TPI1: variants seen among roughly 807,000 people sequenced by gnomAD.
TPI1 encodes triosephosphate isomerase 1, also known as triosephosphate isomerase.
A neutral mutation model predicts 31.0 loss-of-function variants in TPI1; 11 were observed. That is an observed-to-expected ratio of 0.36 (90% CI 0.22 to 0.59). The LOEUF (loss-of-function observed/expected upper bound fraction) is 0.59. TPI1 is among the 20% of genes least tolerant of loss of function. TPI1 has a pLI of 0.79. For missense variants in TPI1, 245 were observed against 319.7 expected (o/e 0.77, Z 1.78); for synonymous variants, 121 against 122.8 (o/e 0.99, Z 0.10).
intron 1 of TPI1, chr12:6,868,366 C>T: frequency 7.8e-7 from 1 of 1,288,044 alleles, no homozygotes; most frequent in Non-Finnish European, 1.0e-6. Context: ...CTCCATCCTC[C>T]TTCCTCCCTC....
chr12:6,870,156 G>A lies in TPI1; in HGVS notation c.631+20G>A, dbSNP rs1944555685. On this transcript the variant is annotated intron_variant, in intron 6 of 6. Coordinates refer to ENST00000396705, the MANE Select transcript of TPI1 (RefSeq NM_000365.6). ...ATGGAGGTGAGTGGCTTTGGTTCCC[G>A]GCTGAGGTGGAGTGGGCTGAGGACT... 4 of 1,612,038 alleles carry A rather than the reference G, an allele frequency of 2.5e-6. No individual in the cohort carries two copies. Among genetic ancestry groups the A allele is most frequent in the South Asian group, 2.2e-5 (2 of 91,036 alleles).
chr12:6,869,508 G>T (rs935433490), intron 4 of TPI1, 118 bp downstream of exon 4: 1 of 1,545,638 alleles, frequency 6.5e-7, no homozygotes, highest in African/African-American at 1.4e-5. Flanking sequence ...AAAAAGGGGA[G>T]GGGGAGTGAC....
intron 1 of TPI1, 120 bp from the exon 2 acceptor site, chr12:6,868,744 G>A (rs1944514172): frequency 1.4e-6 from 2 of 1,477,132 alleles, no homozygotes. Context: ...GTGAAAAGGG[G>A]GAGAGCAGAA....
intron 1 of TPI1, chr12:6,868,376 C>T (rs1458275854): frequency 1.6e-6 from 2 of 1,288,038 alleles, no homozygotes; most frequent in Admixed American, 2.3e-5. Flanking sequence ...CTTCCTCCCT[C>T]CACCGAAATC....
At position 6,869,315 on chromosome 12, in the gene TPI1, A is replaced by C; in HGVS notation, c.382A>C (p.Ile128Leu). 6.2e-7 allele frequency: 1 copy of C among 1,614,108 alleles called. No homozygotes were observed. The highest frequency in any genetic ancestry group is 8.5e-7 in the Non-Finnish European group (1 of 1,179,968). Residue 128 changes from isoleucine to leucine, a missense_variant, in exon 4 of 7, where the codon ATT (isoleucine) becomes CTT (leucine). Physicochemically the swap from Ile to Leu is conservative, Grantham distance 5 (BLOSUM62 2). This residue lies in a region of TPI1 where 127 missense variants were observed against 163.7 expected (regional missense o/e 0.78). Transcript: ENST00000396705. ...AGAGGGACTCGGAGTAATCGCCTGC[A>C]TTGGGGAGAAGCTAGATGAAAGGGA... ...LAEGLGVIAC[I>L]GEKLDEREAG...
intron 1 of TPI1, 73 bp from the exon 2 acceptor site, chr12:6,868,791 G>C: frequency 6.4e-7 from 1 of 1,557,872 alleles, no homozygotes; most frequent in Non-Finnish European, 8.7e-7. Flanking sequence ...GGGCTCCAGG[G>C]CACTGGTTAG....
Position 6,870,192 on chromosome 12 carries a change from C to G in TPI1, c.631+56C>G, listed in dbSNP as rs369053812. On this transcript the variant is annotated intron_variant, in intron 6 of 6. Transcript: ENST00000396705. ...AGTGGGCTGAGGACTAGACTGAGCC[C>G]TCGGACATGGAGGTGGGGATGGGGC... 30 of 1,602,866 alleles carry G rather than the reference C, an allele frequency of 1.9e-5. No individual in the cohort carries two copies. The African/African-American group carries it at 3.9e-4, about 21-fold the overall frequency.
At chr12:6,868,581 G>T in intron 1 of TPI1, 1 of 1,328,272 alleles carries the variant, frequency 7.5e-7, no homozygotes, top group East Asian at 3.5e-5. Context: ...AGGTGCCTAT[G>T]CCGAGAATAG....
In TPI1 at chr12:6,868,961, T is replaced by G; in HGVS notation, c.213T>G (p.Thr71=). The change falls in exon 2 of 7, where the codon ACT becomes ACG. Residue 71 remains threonine (T), a synonymous_variant. Transcript: ENST00000396705. ...AVAAQNCYKV[T]NGAFTGEISP... ...CTGCGCAGAACTGCTACAAAGTGAC[T>G]AATGGGGCTTTTACTGGGGAGATCA... is the stretch of plus-strand genomic sequence containing the variant. 2 of 1,614,192 alleles carry G rather than the reference T, an allele frequency of 1.2e-6. No individual in the cohort carries two copies. The highest frequency in any genetic ancestry group is 1.7e-6 in the Non-Finnish European group (2 of 1,180,026).
intron 1 of TPI1, 42 bp downstream of exon 1, chr12:6,867,723 G>T: frequency 6.4e-7 from 1 of 1,556,466 alleles, no homozygotes; most frequent in Non-Finnish European, 8.7e-7. Context: ...GCCGGGGCCG[G>T]GGCCGGGGCA....
At chr12:6,868,095 C>T (rs1555131746) in intron 1 of TPI1, 40 of 1,262,940 alleles carry the variant, frequency 3.2e-5, no homozygotes, top group Non-Finnish European at 4.0e-5. Context: ...CCGCACGTAG[C>T]CCCAGACTCC....
In TPI1 at chr12:6,870,595, A is replaced by T. The variant is rs782574769; in HGVS notation, c.*212A>T. 6.8e-6 allele frequency: 5 copies of T among 730,654 alleles called. No individual in the cohort carries two copies. In the African/African-American group the frequency reaches 8.6e-5, roughly 13 times the overall value. The allele number at this position is 730,654 out of a possible 1,614,324, so 45.3% of individuals were successfully genotyped here. On this transcript the variant is annotated 3_prime_UTR_variant, in exon 7 of 7. Coordinates refer to ENST00000396705, the MANE Select transcript of TPI1 (RefSeq NM_000365.6). Reference sequence around the variant, plus strand: ...CTTCTCCACTTACTATAATGGTTGGAACTAAACGTCACCAAGGTGGCTTCT... The same window carrying T: ...CTTCTCCACTTACTATAATGGTTGGTACTAAACGTCACCAAGGTGGCTTCT...
chr12:6,870,198 C>T (rs1944556698), intron 6 of TPI1, 62 bp downstream of exon 6: 13 of 1,599,588 alleles, frequency 8.1e-6, no homozygotes, highest in Non-Finnish European at 9.4e-6. Flanking sequence ...AGCCCTCGGA[C>T]ATGGAGGTGG....
intron 1 of TPI1, 113 bp downstream of exon 1, chr12:6,867,794 G>C: frequency 1.7e-6 from 2 of 1,178,670 alleles, no homozygotes; most frequent in Non-Finnish European, 2.3e-6. Context: ...GCGCGGACCT[G>C]ATGCAGGGCT....
At chr12:6,869,024 C>G in intron 2 of TPI1, 37 bp downstream of exon 2, 1 of 1,614,116 alleles carries the variant, frequency 6.2e-7, no homozygotes, top group Non-Finnish European at 8.5e-7. Flanking sequence ...TGGGACCCTT[C>G]CCTCACTTTC....
Position 6,869,368 on chromosome 12 carries a change from C to G in TPI1, c.435C>G (p.Phe145Leu). Residue 145 changes from phenylalanine (F) to leucine (L), a missense_variant, in exon 4 of 7, where the codon TTC becomes TTG. Phe to Leu is a conservative substitution (Grantham distance 22). Around this residue, in one of 3 missense-constraint regions of TPI1, gnomAD observed 127 missense variants for 163.7 expected, o/e 0.78. Coordinates refer to ENST00000396705, the MANE Select transcript of TPI1 (RefSeq NM_000365.6). ...CTGGCATCACTGAGAAGGTTGTTTTCGAGCAGACAAAGGTCATCGCAGGTA... is the reference window on the plus strand; with the variant it reads ...CTGGCATCACTGAGAAGGTTGTTTTGGAGCAGACAAAGGTCATCGCAGGTA... ...REAGITEKVV[F>L]EQTKVIADNV... 1 of 1,614,012 alleles carries G rather than the reference C, an allele frequency of 6.2e-7. No homozygotes were observed. Among genetic ancestry groups the G allele is most frequent in the Middle Eastern group, 1.6e-4 (1 of 6,062 alleles).
Position 6,870,697 on chromosome 12 carries a change from C to T in TPI1, c.*314C>T, listed in dbSNP as rs1555132905. The T allele has an allele frequency of 6.8e-6, 4 of 584,872 alleles. No homozygotes were observed. Among genetic ancestry groups the T allele is most frequent in the South Asian group, 5.6e-5 (4 of 71,470 alleles). The allele number at this position is 584,872 out of a possible 1,614,324, so 36.2% of individuals were successfully genotyped here. On this transcript the variant is annotated 3_prime_UTR_variant, in exon 7 of 7. Transcript: ENST00000396705. ...GCCCTAGTGAGGGCAGAAGAGAAAC[C>T]ATCCTCTCCCTTCTTACACCGTGAG... is the stretch of plus-strand genomic sequence containing the variant.
chr12:6,869,703 G>A lies in TPI1; in HGVS notation c.473G>A (p.Trp158Ter), dbSNP rs782689272. Reference sequence around the variant, plus strand: ...TGCCCTGCAGATAACGTGAAGGACTGGAGCAAGGTCGTCCTGGCCTATGAG... The same window carrying A: ...TGCCCTGCAGATAACGTGAAGGACTAGAGCAAGGTCGTCCTGGCCTATGAG... ...TKVIADNVKD[W>*]SKVVLAYEPV... Residue 158 changes from tryptophan (W) to a stop codon, truncating the protein, a stop_gained, in exon 5 of 7, where the codon TGG becomes TAG. Coordinates refer to ENST00000396705, the MANE Select transcript of TPI1 (RefSeq NM_000365.6). LOFTEE classifies it high-confidence loss of function. 20 of 1,614,110 alleles carry A rather than the reference G, an allele frequency of 1.2e-5. No homozygotes were observed. The highest frequency in any genetic ancestry group is 1.7e-5 in the Non-Finnish European group (20 of 1,180,048).
At position 6,870,422 on chromosome 12, in the gene TPI1, G is replaced by A. The variant is rs12692; in HGVS notation, c.*39G>A. On this transcript the variant is annotated 3_prime_UTR_variant, in exon 7 of 7. Transcript: ENST00000396705. The stretch of plus-strand genomic sequence containing the variant: ...TCCCTACCCTTCCTGCCAAGCCAGG[G>A]ACTAAGCAGCCCAGAAGCCCAGTAA... The A allele has an allele frequency of 9.0e-4, 1,363 of 1,506,364 alleles. 12 individuals carry two copies. In the African/African-American group the frequency reaches 0.016, roughly 17 times the overall value. 93.3% of individuals were successfully genotyped at this position (1,506,364 alleles called of 1,614,324 possible).
Sources: gnomAD v4.1 joint callset for allele counts on GRCh38, gnomAD v4.1.1 for gene constraint, gnomAD v4.1.1 regional missense constraint, MANE v1.5 for transcripts, NCBI Gene and HGNC (gene_info 2026-07-23, HGNC 2026-07-21) for gene names.